Variants in SNRPN observed in about 807,000 individuals in gnomAD.
SNRPN encodes small nuclear ribonucleoprotein polypeptide N.
SNRPN carries 7 observed loss-of-function variants against 25.2 expected under a neutral mutation model. The ratio of observed to expected loss-of-function variants is 0.28; its 90% CI spans 0.16 to 0.52. The LOEUF (loss-of-function observed/expected upper bound fraction) is 0.52. SNRPN is among the 20% of genes least tolerant of loss of function. SNRPN has a pLI of 0.96. For missense variants in SNRPN, 196 were observed against 322.5 expected, an observed-to-expected ratio of 0.61 and a Z score of 3.00; for synonymous variants, 124 against 110.6, an observed-to-expected ratio of 1.12 and a Z score of -0.76.
intron 2 of SNRPN, among the ~76,000 whole-genome samples, chr15:24,965,804 A>G (rs981604337): frequency 6.6e-6 from 1 of 152,166 alleles, no homozygotes; most frequent in African/African-American, 2.4e-5. Flanking sequence ...CTATTGGGTT[A>G]CAGGTTAGAT....
intron 2 of SNRPN, among the ~76,000 whole-genome samples, chr15:24,890,320 G>A (rs914146930): frequency 2.0e-5 from 3 of 152,000 alleles, no homozygotes; most frequent in African/African-American, 7.2e-5. Context: ...TTCTCCCCAG[G>A]TAATTACTAT....
chr15:24,847,693 C>G (rs2052331465), intron 2 of SNRPN, among the ~76,000 whole-genome samples: 1 of 152,134 alleles, frequency 6.6e-6, no homozygotes, highest in South Asian at 2.1e-4. Context: ...AATCCATAAC[C>G]ATTCCCAGTA....
intron 1 of SNRPN, among the ~76,000 whole-genome samples, chr15:24,862,854 A>T (rs753206190): frequency 3.3e-5 from 5 of 150,480 alleles, no homozygotes; most frequent in Non-Finnish European, 7.4e-5. Context: ...TGTGTCTGGC[A>T]CAGTTCAGGG....
At chr15:24,961,736 A>AGTAG (rs2074859499) in intron 1 of SNRPN, among the ~76,000 whole-genome samples, 1 of 152,094 alleles carries the variant, frequency 6.6e-6, no homozygotes, top group African/African-American at 2.4e-5. Context: ...TTTTGAAACC[A>AGTAG]TTTTGGAAAT....
In SNRPN at chr15:24,978,483, A is replaced by G. The variant is rs554720050; in HGVS notation, c.*39A>G. ...CATCTCAGTCACTTTTTCCCCTGCAATGCGTCTTGTGAAATTGTGTAGAGT... is the reference window on the plus strand; with the variant it reads ...CATCTCAGTCACTTTTTCCCCTGCAGTGCGTCTTGTGAAATTGTGTAGAGT... On this transcript the variant is annotated 3_prime_UTR_variant, in exon 10 of 10. Transcript: ENST00000390687. 74 of 1,579,286 alleles carry G rather than the reference A, an allele frequency of 4.7e-5. No individual in the cohort carries two copies. The highest frequency in any genetic ancestry group is 7.7e-5 in the South Asian group (7 of 90,366).
At chr15:24,851,860 C>T (rs950555159), upstream of SNRPN, 1 of 152,134 alleles carries the variant, frequency 6.6e-6, no homozygotes, top group Non-Finnish European at 1.5e-5. Flanking sequence ...GTTCATGTCC[C>T]TTTCTCCATC....
Position 24,846,959 on chromosome 15 carries a change from AG to A in SNRPN, c.-579+17055del, listed in dbSNP as rs1364320639. On this transcript the variant is annotated intron_variant, in intron 2 of 12. Transcript: ENST00000400100. The stretch of plus-strand genomic sequence containing the variant: ...TCAGACCCTGTACAGGCAAAGAAAA[AG>A]TTAAAAGTGAGGAAAATGAGAGACA... 3.9e-5 allele frequency among the ~76,000 whole-genome samples: 6 copies of A among 152,288 alleles called. No individual in the cohort carries two copies. In the East Asian group the frequency reaches 9.7e-4, roughly 25 times the overall value.
intron 3 of SNRPN, among the ~76,000 whole-genome samples, chr15:24,948,099 TTTTTATTTTA>T (rs71127029): frequency 2.7e-5 from 4 of 150,670 alleles, no homozygotes; most frequent in African/African-American, 9.7e-5. Context: ...CAATCTTCCT[TTTTTATTTTA>T]TTTTATTTTA....
At chr15:24,909,083 A>G (rs894286190) in intron 2 of SNRPN, 49 of 1,408,934 alleles carry the variant, frequency 3.5e-5, no homozygotes, top group Admixed American at 2.9e-4. Flanking sequence ...ATTCTCTCGT[A>G]TAGCAGCATG....
chr15:24,885,738 G>A (rs562641448), intron 1 of SNRPN, among the ~76,000 whole-genome samples: 2 of 151,776 alleles, frequency 1.3e-5, no homozygotes, highest in African/African-American at 2.4e-5. Flanking sequence ...GTGTGTGTGT[G>A]TGTGTGTGTG....
At chr15:24,925,480 A>T (rs910109339) in intron 3 of SNRPN, among the ~76,000 whole-genome samples, 3 of 150,024 alleles carry the variant, frequency 2.0e-5, no homozygotes, top group Non-Finnish European at 4.4e-5. Context: ...TCCCCCTACC[A>T]CTCCCCAACA....
intron 2 of SNRPN, among the ~76,000 whole-genome samples, chr15:24,843,916 T>C (rs1566816641): frequency 6.6e-6 from 1 of 150,770 alleles, no homozygotes; most frequent in African/African-American, 2.4e-5. Context: ...GAGGTTGCAG[T>C]GAGCTGAGAT....
intron 3 of SNRPN, among the ~76,000 whole-genome samples, chr15:24,931,102 A>G (rs193276685): frequency 2.6e-4 from 40 of 152,230 alleles, no homozygotes; most frequent in African/African-American, 9.6e-4. Flanking sequence ...TTTCTAGTTG[A>G]GAGTACGTTA....
chr15:24,869,728 C>A (rs979799874), intron 1 of SNRPN, among the ~76,000 whole-genome samples: 5 of 152,110 alleles, frequency 3.3e-5, no homozygotes, highest in Non-Finnish European at 7.3e-5. Flanking sequence ...GACAAGTTAG[C>A]CTTTGTCAAA....
At chr15:24,902,896 C>G (rs1445523966) in intron 2 of SNRPN, among the ~76,000 whole-genome samples, 2 of 152,214 alleles carry the variant, frequency 1.3e-5, no homozygotes, top group African/African-American at 4.8e-5. Flanking sequence ...GAAAGGGACC[C>G]CAGTGGGTTG....
intron 3 of SNRPN, among the ~76,000 whole-genome samples, chr15:24,969,222 A>G (rs555067665): frequency 5.5e-4 from 84 of 152,178 alleles, no homozygotes; most frequent in Admixed American, 6.5e-4. Flanking sequence ...TCTGCCTCCC[A>G]GGTTCAACTG....
intron 1 of SNRPN, among the ~76,000 whole-genome samples, chr15:24,874,419 C>A (rs960587754): frequency 2.0e-5 from 3 of 150,422 alleles, no homozygotes; most frequent in Non-Finnish European, 4.4e-5. Flanking sequence ...GGCTGATGAG[C>A]TTTGGTTCTC....
At chr15:24,895,267 G>A (rs949674800) in intron 2 of SNRPN, among the ~76,000 whole-genome samples, 4 of 152,154 alleles carry the variant, frequency 2.6e-5, no homozygotes, top group African/African-American at 9.7e-5. Flanking sequence ...TCAGCGAAAG[G>A]TGAGAAAGTC....
intron 2 of SNRPN, among the ~76,000 whole-genome samples, chr15:24,919,314 C>G (rs1391878682): frequency 2.0e-5 from 3 of 151,304 alleles, no homozygotes; most frequent in Admixed American, 6.6e-5. Context: ...ACCTGTAGTC[C>G]CAGCTACTCG....
Sources: allele counts gnomAD v4.1 joint callset (sites outside exome capture counted in the v4.1 genomes callset), GRCh38; gene constraint gnomAD v4.1.1; transcripts MANE v1.5; gene names NCBI Gene and HGNC (gene_info 2026-07-23, HGNC 2026-07-21).